The following SASH1 variants were observed in gnomAD, a reference collection of about 807,000 sequenced individuals.
SASH1 encodes SAM and SH3 domain containing 1.
In SASH1, 44 loss-of-function variants were observed where a neutral mutation model predicts 125.2. The observed-to-expected ratio is 0.35, with a 90% CI of 0.28 to 0.45. SASH1 has a LOEUF of 0.45. Among genes scored for constraint, SASH1 ranks in the 20% least tolerant of loss-of-function variants. The probability of loss-of-function intolerance (pLI) is 1.00; values close to 1 mark genes in which losing one functional copy is unlikely to be tolerated. For synonymous variants in SASH1, 639 were observed against 649.1 expected (o/e 0.98, Z 0.24); for missense variants, 1,426 against 1,614.5 (o/e 0.88, Z 2.00).
At chr6:148,282,214 G>A (rs1190464537) in intron 1 of SASH1, among the ~76,000 whole-genome samples, 1 of 152,134 alleles carries the variant, frequency 6.6e-6, no homozygotes, top group African/African-American at 2.4e-5. Flanking sequence ...GGCCATTCCT[G>A]CACACTGCAG....
At chr6:148,308,624 G>A (rs1473937305) in intron 1 of SASH1, among the ~76,000 whole-genome samples, 2 of 151,190 alleles carry the variant, frequency 1.3e-5, no homozygotes, top group African/African-American at 4.9e-5. Context: ...TCGAACTCCT[G>A]ACGTCAGGTG....
intron 4 of SASH1, among the ~76,000 whole-genome samples, chr6:148,446,369 A>G (rs1044043646): frequency 6.6e-6 from 1 of 151,942 alleles, no homozygotes. Flanking sequence ...TGGCCTCCTA[A>G]AGTGCTGGGA....
chr6:148,350,454 G>C (rs1041278776), intron 1 of SASH1, among the ~76,000 whole-genome samples: 15 of 152,124 alleles, frequency 9.9e-5, no homozygotes, highest in Admixed American at 1.3e-4. Context: ...TCTTTTAAAA[G>C]CTAATTGTAG....
intron 8 of SASH1, among the ~76,000 whole-genome samples, chr6:148,504,894 C>T (rs1234702189): frequency 1.3e-5 from 2 of 152,092 alleles, no homozygotes. Context: ...TGGACAAGGT[C>T]GGCTCTCTCT....
intron 8 of SASH1, among the ~76,000 whole-genome samples, chr6:148,502,661 G>A (rs1779606154): frequency 6.7e-6 from 1 of 148,662 alleles, no homozygotes; most frequent in African/African-American, 2.5e-5. Flanking sequence ...GGAAGCTCCT[G>A]TTGACTGGTG....
intron 1 of SASH1, among the ~76,000 whole-genome samples, chr6:148,353,261 T>G (rs1197304468): frequency 6.6e-6 from 1 of 151,672 alleles, no homozygotes; most frequent in Non-Finnish European, 1.5e-5. Flanking sequence ...TTTTCTAGCA[T>G]TGGAGGGGTC....
chr6:148,199,083 G>A, the SASH1 span, among the ~76,000 whole-genome samples: 4 of 152,176 alleles, frequency 2.6e-5, no homozygotes, highest in Non-Finnish European at 5.9e-5. Context: ...GTACGGGGAT[G>A]AGAACTGAGC....
chr6:148,460,551 A>C (rs1483155260), intron 4 of SASH1, among the ~76,000 whole-genome samples: 1 of 152,198 alleles, frequency 6.6e-6, no homozygotes, highest in Non-Finnish European at 1.5e-5. Context: ...AGTTAATGAT[A>C]ATTGAGGTAA....
intron 1 of SASH1, among the ~76,000 whole-genome samples, chr6:148,364,086 G>A (rs781702735): frequency 1.3e-5 from 2 of 151,834 alleles, no homozygotes; most frequent in African/African-American, 4.8e-5. Context: ...CCAGCTCATC[G>A]GCAGCCCATC....
chr6:148,450,683 T>C (rs1046518295), intron 4 of SASH1, among the ~76,000 whole-genome samples: 9 of 128,146 alleles, frequency 7.0e-5, no homozygotes, highest in Non-Finnish European at 1.4e-4. Flanking sequence ...TCTCTTATTA[T>C]ATGTTATCTT....
intron 1 of SASH1, among the ~76,000 whole-genome samples, chr6:148,294,906 TTTCCAA>T (rs1294936991): frequency 6.6e-6 from 1 of 152,214 alleles, no homozygotes; most frequent in Non-Finnish European, 1.5e-5. Flanking sequence ...ACATCTGCCT[TTTCCAA>T]AGAATGGGAA....
At chr6:148,315,714 G>A (rs950705026) in intron 1 of SASH1, among the ~76,000 whole-genome samples, 2 of 152,076 alleles carry the variant, frequency 1.3e-5, no homozygotes, top group Non-Finnish European at 2.9e-5. Flanking sequence ...GACCTGCCTG[G>A]GCAACATAGT....
At chr6:148,463,782 C>T (rs1420082071) in intron 4 of SASH1, among the ~76,000 whole-genome samples, 1 of 152,188 alleles carries the variant, frequency 6.6e-6, no homozygotes, top group Non-Finnish European at 1.5e-5. Context: ...CTTGTTCCCT[C>T]CCCTGCTGTT....
intron 1 of SASH1, among the ~76,000 whole-genome samples, chr6:148,299,671 G>GAAAAAAAAAAAAAAAAAAAAAAA (rs57758957): frequency 8.7e-6 from 1 of 114,978 alleles, no homozygotes; most frequent in Non-Finnish European, 1.9e-5. Context: ...CACCTCAAAA[G>GAAAAAAAAAAAAAAAAAAAAAAA]AAAAAAAAAA....
rs1200473150 is a variant in SASH1 at position 148,425,742 on chromosome 6, C to CT, written c.286-14431dup. 3.3e-4 allele frequency among the ~76,000 whole-genome samples: 40 copies of CT among 122,516 alleles called. No individual in the cohort carries two copies. The East Asian group carries it at 4.2e-3, about 13-fold the overall frequency. 80.4% of individuals were successfully genotyped at this position (122,516 alleles called of 152,430 possible). A position where few individuals can be genotyped will look rare whatever the true frequency, so the allele number is the denominator to read the frequency against. On this transcript the variant is annotated intron_variant, in intron 2 of 19. Coordinates refer to ENST00000367467, the MANE Select transcript of SASH1 (RefSeq NM_015278.5). The stretch of plus-strand genomic sequence containing the variant: ...CCTCTCCCTTCCCCTCCCCCTCCTC[C>CT]TTTTTTTTTTTCCCTGTCCCCCTGT...
intron 7 of SASH1, among the ~76,000 whole-genome samples, chr6:148,482,665 G>A (rs1179311508): frequency 1.4e-5 from 2 of 145,198 alleles, no homozygotes; most frequent in Non-Finnish European, 3.0e-5. Context: ...TAGACTCTAG[G>A]CATGTGCCAC....
intron 1 of SASH1, among the ~76,000 whole-genome samples, chr6:148,326,852 G>A (rs75310911): frequency 0.042 from 6,339 of 152,126 alleles, 232 homozygotes; most frequent in South Asian, 0.15. Context: ...AATAAAATCC[G>A]CCCTCCGAGC....
intron 8 of SASH1, among the ~76,000 whole-genome samples, chr6:148,503,705 C>T (rs930397017): frequency 6.7e-6 from 1 of 149,964 alleles, no homozygotes; most frequent in Admixed American, 6.7e-5. Context: ...TTTGGGGACA[C>T]TGATAGTGAC....
chr6:148,518,385 G>T (rs1462013037), intron 9 of SASH1, among the ~76,000 whole-genome samples: 1 of 152,026 alleles, frequency 6.6e-6, no homozygotes, highest in Admixed American at 6.6e-5. Flanking sequence ...GTTCTTTTTT[G>T]TTGTTGTTGT....
Sources: allele counts gnomAD v4.1 joint callset (sites outside exome capture counted in the v4.1 genomes callset), GRCh38; gene constraint gnomAD v4.1.1; transcripts MANE v1.5; gene names NCBI Gene and HGNC (gene_info 2026-07-23, HGNC 2026-07-21).